Variants in EIF2A observed in about 807,000 individuals in gnomAD.
EIF2A encodes the protein eukaryotic translation initiation factor 2A, also known as 65 kDa eukaryotic translation initiation factor 2A.
In EIF2A, 62 loss-of-function variants were observed where a neutral mutation model predicts 75.2. The ratio of observed to expected loss-of-function variants is 0.82; its 90% CI spans 0.67 to 1.02. The LOEUF (loss-of-function observed/expected upper bound fraction) is 1.02, where lower values mean the gene tolerates loss of function less well. EIF2A is among the 50% of genes least tolerant of loss of function. EIF2A has a pLI of 0.00. For synonymous variants in EIF2A, 207 were observed against 239.0 expected (o/e 0.87, Z 1.23); for missense variants, 611 against 677.7 (o/e 0.90, Z 1.09).
intron 3 of EIF2A, among the ~76,000 whole-genome samples, chr3:150,560,263 G>C (rs1478158118): frequency 6.6e-6 from 1 of 152,166 alleles, no homozygotes; most frequent in Non-Finnish European, 1.5e-5. Flanking sequence ...TTTCATTAAA[G>C]TGCTGTGACC....
chr3:150,554,314 A>G (rs1156766043), intron 2 of EIF2A, among the ~76,000 whole-genome samples: 1 of 152,196 alleles, frequency 6.6e-6, no homozygotes, highest in Non-Finnish European at 1.5e-5. Context: ...GAAGGAGTCA[A>G]GCATTTATCT....
In EIF2A at chr3:150,585,848, G is replaced by GAC. The variant is rs891662581; in HGVS notation, c.*1940_*1941dup. Among the ~76,000 whole-genome samples the GAC allele has an allele frequency of 2.0e-5, 3 of 152,134 alleles. No homozygotes were observed. The highest frequency in any genetic ancestry group is 4.4e-5 in the Non-Finnish European group (3 of 68,026). On this transcript the variant is annotated 3_prime_UTR_variant, in exon 14 of 14. Transcript: ENST00000460851. ...TGGGATTATTGTCCTTACAAGAAAA[G>GAC]ACACCAGAGAGCTTGTTCTGTCTCT...
intron 1 of EIF2A, among the ~76,000 whole-genome samples, chr3:150,548,206 A>G (rs1229876519): frequency 6.6e-6 from 1 of 152,204 alleles, no homozygotes; most frequent in African/African-American, 2.4e-5. Context: ...TCTTCAGTCT[A>G]GTACTATCCT....
chr3:150,567,077 G>A (rs964780671), intron 6 of EIF2A: 3 of 152,182 alleles, frequency 2.0e-5, no homozygotes, highest in Admixed American at 2.0e-4. Context: ...TTGACAGTTT[G>A]GTGTGCTGCT....
At chr3:150,559,889 T>G (rs969081334) in intron 3 of EIF2A, among the ~76,000 whole-genome samples, 1 of 152,204 alleles carries the variant, frequency 6.6e-6, no homozygotes, top group Non-Finnish European at 1.5e-5. Context: ...AAGTAGGATG[T>G]GATCTCAAAA....
In EIF2A at chr3:150,572,495, C is replaced by G; in HGVS notation, c.1349C>G (p.Ala450Gly). Residue 450 changes from alanine (A) to glycine (G), a missense_variant, in exon 10 of 14, where the codon GCT (alanine) becomes GGT (glycine). Transcript: ENST00000460851. ...GTTGCAACAGCTTATAGACCCCCAG[C>G]TTTAAGAAATAAACCAATCACCAAT... ...PKVATAYRPP[A>G]LRNKPITNSK... 6.2e-7 allele frequency: 1 copy of G among 1,611,178 alleles called. No homozygotes were observed. The highest frequency in any genetic ancestry group is 8.5e-7 in the Non-Finnish European group (1 of 1,178,990).
intron 10 of EIF2A, 106 bp downstream of exon 10, chr3:150,572,635 A>C (rs961415983): frequency 9.0e-6 from 10 of 1,106,748 alleles, no homozygotes; most frequent in African/African-American, 3.1e-5. Context: ...CGGGAGGATC[A>C]CTTGAGGTCA....
At chr3:150,581,595 A>G (rs756854621) in intron 11 of EIF2A, 23 bp from the exon 12 acceptor site, 14 of 1,546,354 alleles carry the variant, frequency 9.1e-6, no homozygotes, top group Non-Finnish European at 8.7e-7. Context: ...TTAAAATTGA[A>G]TTTAAAAAAA....
chr3:150,583,172 G>A, intron 12 of EIF2A, 28 bp from the exon 13 acceptor site: 1 of 1,597,936 alleles, frequency 6.3e-7, no homozygotes, highest in Non-Finnish European at 8.5e-7. Flanking sequence ...TTTCTTCCAT[G>A]CTCTTGACTC....
chr3:150,558,366 CTTT>C lies in EIF2A; in HGVS notation c.99-14_99-12del. On this transcript the variant is annotated intron_variant, in intron 2 of 13. Coordinates refer to ENST00000460851, the MANE Select transcript of EIF2A (RefSeq NM_032025.5). Reference sequence around the variant, plus strand: ...AGTATTAATGCTTATTCATTTAAACCTTTTTTTTTTGTCATTTTCAGGGAATCT... The same window carrying C: ...AGTATTAATGCTTATTCATTTAAACCTTTTTTTGTCATTTTCAGGGAATCT... The C allele has an allele frequency of 3.7e-6, 5 of 1,336,038 alleles. No homozygotes were observed. Among genetic ancestry groups the C allele is most frequent in the Non-Finnish European group, 4.9e-6 (5 of 1,013,294 alleles). The allele number at this position is 1,336,038 out of a possible 1,614,324, so 82.8% of individuals were successfully genotyped here.
intron 1 of EIF2A, among the ~76,000 whole-genome samples, chr3:150,551,549 A>C (rs1470151907): frequency 1.3e-5 from 2 of 149,904 alleles, no homozygotes; most frequent in Non-Finnish European, 3.0e-5. Flanking sequence ...CCTGGGCAAC[A>C]GTGAGACTCT....
At chr3:150,566,967 G>A (rs552010902) in intron 6 of EIF2A, 2 of 152,136 alleles carry the variant, frequency 1.3e-5, no homozygotes, top group Admixed American at 6.5e-5. Flanking sequence ...TTATTTTCCT[G>A]TGTTTGAGGC....
chr3:150,571,883 T>C, intron 9 of EIF2A, 75 bp from the exon 10 acceptor site: 3 of 1,362,254 alleles, frequency 2.2e-6, no homozygotes, highest in Non-Finnish European at 3.0e-6. Flanking sequence ...GTGAGTACTA[T>C]ATGATGGTAA....
At chr3:150,573,302 G>A (rs1207827222) in intron 10 of EIF2A, among the ~76,000 whole-genome samples, 2 of 152,198 alleles carry the variant, frequency 1.3e-5, no homozygotes, top group Non-Finnish European at 2.9e-5. Flanking sequence ...ATCGAGGCTG[G>A]AGTGCAGTGG....
intron 1 of EIF2A, among the ~76,000 whole-genome samples, chr3:150,549,507 C>T (rs1723213865): frequency 6.6e-6 from 1 of 152,174 alleles, no homozygotes. Context: ...TGTGAGCCAC[C>T]ATGCCTGGCC....
intron 2 of EIF2A, among the ~76,000 whole-genome samples, chr3:150,553,611 G>A (rs989165719): frequency 2.0e-5 from 3 of 151,716 alleles, no homozygotes; most frequent in African/African-American, 4.8e-5. Context: ...GAGTTTCACC[G>A]TGTTGGCCAG....
chr3:150,547,663 G>C (rs546664883), intron 1 of EIF2A, among the ~76,000 whole-genome samples: 1 of 152,254 alleles, frequency 6.6e-6, no homozygotes, highest in Admixed American at 6.5e-5. Context: ...CTGCATTTAA[G>C]GAGGGAGGCT....
At chr3:150,572,732 C>T (rs560707728) in intron 10 of EIF2A, among the ~76,000 whole-genome samples, 5 of 151,866 alleles carry the variant, frequency 3.3e-5, no homozygotes, top group Admixed American at 6.6e-5. Flanking sequence ...GGCGCATGCC[C>T]GTAGTCCCGG....
chr3:150,572,156 TGA>T lies in EIF2A; in HGVS notation c.1012_1013del (p.Arg338GlyfsTer16), dbSNP rs1282779356. The T allele has an allele frequency of 1.2e-6, 2 of 1,613,870 alleles. No homozygotes were observed. The highest frequency in any genetic ancestry group is 2.7e-5 in the African/African-American group (2 of 74,930). On this transcript the variant is annotated frameshift_variant, in exon 10 of 14. Transcript: ENST00000460851. LOFTEE classifies it high-confidence loss of function. ...TTAGTATTAGCTGGATTTGGAAATC[TGA>T]GGGGACAAATGGAAGTGTGGGATGT...
Sources: gnomAD v4.1 joint callset for allele counts (sites outside exome capture counted in the v4.1 genomes callset) on GRCh38, gnomAD v4.1.1 for gene constraint, MANE v1.5 for transcripts, NCBI Gene and HGNC (gene_info 2026-07-23, HGNC 2026-07-21) for gene names.